PRCP: variants seen among roughly 807,000 people sequenced by gnomAD.
PRCP encodes the protein lysosomal Pro-X carboxypeptidase.
Under a neutral mutation model 54.2 loss-of-function variants are expected in PRCP, and 46 were observed. The observed-to-expected ratio is 0.85, with a 90% CI of 0.67 to 1.09. PRCP has a LOEUF of 1.09. PRCP is among the 50% of genes least tolerant of loss of function. The pLI is 0.00. For missense variants in PRCP, 613 were observed against 596.8 expected (o/e 1.03, Z -0.28); for synonymous variants, 240 against 212.2 (o/e 1.13, Z -1.14).
intron 1 of PRCP, among the ~76,000 whole-genome samples, chr11:82,877,127 T>C (rs926179441): frequency 6.6e-6 from 1 of 152,140 alleles, no homozygotes; most frequent in South Asian, 2.1e-4. Flanking sequence ...CCCTAGAGAT[T>C]TGTGGAGCTT....
chr11:82,888,105 C>T (rs1859909667), intron 1 of PRCP, among the ~76,000 whole-genome samples: 1 of 152,146 alleles, frequency 6.6e-6, no homozygotes, highest in Admixed American at 6.5e-5. Context: ...TCTTGTTAAA[C>T]TGTATTTTAT....
chr11:82,879,392 G>T (rs1250893483), intron 1 of PRCP, among the ~76,000 whole-genome samples: 2 of 152,136 alleles, frequency 1.3e-5, no homozygotes, highest in African/African-American at 2.4e-5. Context: ...GTCATTTAAG[G>T]TCTTCTCTAT....
chr11:82,828,914 A>G (rs1236395350), intron 8 of PRCP: 1 of 152,108 alleles, frequency 6.6e-6, no homozygotes, highest in Non-Finnish European at 1.5e-5. Flanking sequence ...GTTCAGGCCA[A>G]AAAGTTTGAT....
In PRCP at chr11:82,838,433, T is replaced by C. The variant is rs757201567; in HGVS notation, c.1228A>G (p.Met410Val). The C allele has an allele frequency of 4.3e-6, 7 of 1,614,008 alleles. No individual in the cohort carries two copies. In the South Asian group the frequency reaches 7.7e-5, roughly 18 times the overall value. Residue 410 changes from methionine (M) to valine (V), a missense_variant, in exon 8 of 9, where the codon ATG becomes GTG. Transcript: ENST00000313010. ...VRPRPSWITT[M>V]YGGKNISSHT... ...GAACTAATGTTTTTGCCTCCATACATAGTAGTGATCCAGGAGGGCCTTGGT... is the reference window on the plus strand; with the variant it reads ...GAACTAATGTTTTTGCCTCCATACACAGTAGTGATCCAGGAGGGCCTTGGT...
Position 82,860,031 on chromosome 11 carries a change from T to C in PRCP, c.255A>G (p.Ser85=), listed in dbSNP as rs768116257. The change falls in exon 2 of 9, where the codon TCA becomes TCG. Residue 85 remains serine, a synonymous_variant. Transcript: ENST00000313010. ...ADKYWKKNGG[S]ILFYTGNEGD... ...CTTCATTACCAGTGTAGAAAAGTAT[T>C]GATCCACCATTTTTCTTCCAGTATT... The C allele has an allele frequency of 6.3e-7, 1 of 1,595,176 alleles. No individual in the cohort carries two copies. The highest frequency in any genetic ancestry group is 8.5e-7 in the Non-Finnish European group (1 of 1,171,602).
chr11:82,840,762 T>C (rs1165769541), intron 6 of PRCP: 2 of 151,980 alleles, frequency 1.3e-5, no homozygotes, highest in Non-Finnish European at 2.9e-5. Context: ...CCCTATCAGA[T>C]AGATGATTGT....
At chr11:82,893,120 TG>T (rs1468098741) in intron 1 of PRCP, among the ~76,000 whole-genome samples, 1 of 152,202 alleles carries the variant, frequency 6.6e-6, no homozygotes, top group Non-Finnish European at 1.5e-5. Context: ...TGAGAAGAAG[TG>T]ACATAAGTAA....
At position 82,853,095 on chromosome 11, in the gene PRCP, C is replaced by T. The variant is rs376016265; in HGVS notation, c.411+82G>A. 169 of 952,638 alleles carry T rather than the reference C, an allele frequency of 1.8e-4. No homozygotes were observed. The African/African-American group carries it at 2.6e-3, about 15-fold the overall frequency. The allele number at this position is 952,638 out of a possible 1,614,324, so 59.0% of individuals were successfully genotyped here. A position where few individuals can be genotyped will look rare whatever the true frequency, so the allele number is the denominator to read the frequency against. On this transcript the variant is annotated intron_variant, in intron 3 of 8. Coordinates refer to ENST00000313010, the MANE Select transcript of PRCP (RefSeq NM_005040.4). ...TTTAGGCATTTCAAATTTAAGTTATCTCACAGTGGGGCATATAATTTAGAA... is the reference window on the plus strand; with the variant it reads ...TTTAGGCATTTCAAATTTAAGTTATTTCACAGTGGGGCATATAATTTAGAA...
intron 1 of PRCP, among the ~76,000 whole-genome samples, chr11:82,873,328 C>CATAT (rs1859524276): frequency 6.6e-6 from 1 of 152,170 alleles, no homozygotes; most frequent in Non-Finnish European, 1.5e-5. Context: ...GTCTTTTGAA[C>CATAT]AGCTGTAGTC....
intron 8 of PRCP, chr11:82,828,643 T>C (rs925837263): frequency 2.0e-5 from 3 of 152,244 alleles, no homozygotes; most frequent in African/African-American, 4.8e-5. Context: ...ATCAAATACA[T>C]GAAAATAATT....
intron 1 of PRCP, among the ~76,000 whole-genome samples, chr11:82,872,847 G>A (rs1172794517): frequency 6.6e-6 from 1 of 152,112 alleles, no homozygotes; most frequent in Admixed American, 6.5e-5. Flanking sequence ...AAGCCTGAAG[G>A]AGCCAGACAA....
chr11:82,846,536 A>G (rs1020618515), intron 6 of PRCP, among the ~76,000 whole-genome samples: 3 of 152,302 alleles, frequency 2.0e-5, no homozygotes, highest in Admixed American at 6.5e-5. Context: ...AAAAGAAAGG[A>G]TAATGTCAGT....
Position 82,847,925 on chromosome 11 carries a change from A to G in PRCP, c.921+1124T>C, listed in dbSNP as rs113261244. Reference sequence around the variant, plus strand: ...TTTAGGTTTTCTAACATAAAACATGATCTGCTCTTTTCAACAACTTTGTAT... The same window carrying G: ...TTTAGGTTTTCTAACATAAAACATGGTCTGCTCTTTTCAACAACTTTGTAT... On this transcript the variant is annotated intron_variant, in intron 6 of 8. Transcript: ENST00000313010. Among the ~76,000 whole-genome samples, 214 of 152,274 alleles carry G rather than the reference A, an allele frequency of 1.4e-3. 1 individual carries two copies. Among genetic ancestry groups the G allele is most frequent in the Non-Finnish European group, 2.3e-3 (157 of 68,014 alleles).
At chr11:82,828,517 C>T (rs1333277633) in intron 8 of PRCP, 1 of 152,178 alleles carries the variant, frequency 6.6e-6, no homozygotes, top group Non-Finnish European at 1.5e-5. Flanking sequence ...TCTATACCCA[C>T]CACTTGAAAT....
Position 82,853,046 on chromosome 11 carries a change from C to T in PRCP, c.411+131G>A, listed in dbSNP as rs1391055777. On this transcript the variant is annotated intron_variant, in intron 3 of 8. Coordinates refer to ENST00000313010, the MANE Select transcript of PRCP (RefSeq NM_005040.4). ...TGTTCAAATTGTATCTAAAAAGAAA[C>T]TATTAAATATAAACTATTGAGCTTT... 16 of 569,678 alleles carry T rather than the reference C, an allele frequency of 2.8e-5. No individual in the cohort carries two copies. The South Asian group carries it at 4.7e-4, about 17-fold the overall frequency. 35.3% of individuals were successfully genotyped at this position (569,678 alleles called of 1,614,324 possible). A position where few individuals can be genotyped will look rare whatever the true frequency, so the allele number is the denominator to read the frequency against.
chr11:82,856,872 T>C (rs1241298028), intron 2 of PRCP, among the ~76,000 whole-genome samples: 1 of 151,752 alleles, frequency 6.6e-6, no homozygotes, highest in African/African-American at 2.4e-5. Context: ...CTGTCTCTAC[T>C]AAAAATACAA....
At chr11:82,838,877 CATT>C (rs1858593313) in intron 7 of PRCP, among the ~76,000 whole-genome samples, 1 of 152,190 alleles carries the variant, frequency 6.6e-6, no homozygotes, top group African/African-American at 2.4e-5. Flanking sequence ...TTATTAGTCT[CATT>C]GTGCAGATGA....
At chr11:82,900,919 C>T (rs1241935871), upstream of PRCP, 2 of 453,252 alleles carry the variant, frequency 4.4e-6, no homozygotes, top group East Asian at 1.4e-4. Context: ...CAGTGTATCA[C>T]GAGGCAGGGA....
chr11:82,844,942 T>A (rs956930534), intron 6 of PRCP, among the ~76,000 whole-genome samples: 1 of 152,066 alleles, frequency 6.6e-6, no homozygotes, highest in Non-Finnish European at 1.5e-5. Flanking sequence ...TTAGATCATC[T>A]TTATATTTTT....
Sources: allele counts gnomAD v4.1 joint callset (sites outside exome capture counted in the v4.1 genomes callset), GRCh38; gene constraint gnomAD v4.1.1; transcripts MANE v1.5; gene names NCBI Gene and HGNC (gene_info 2026-07-23, HGNC 2026-07-21).